The following AZIN1 variants were observed in gnomAD, a reference collection of about 807,000 sequenced individuals.
AZIN1 encodes the protein antizyme inhibitor 1.
In AZIN1, 12 loss-of-function variants were observed where a neutral mutation model predicts 47.4. The observed-to-expected ratio is 0.25, with a 90% CI of 0.16 to 0.41. AZIN1 has a LOEUF of 0.41. Among genes scored for constraint, AZIN1 ranks in the 10% least tolerant of loss-of-function variants. The pLI, the probability that AZIN1 is intolerant of heterozygous loss-of-function variation, is 1.00. For synonymous variants in AZIN1, 155 were observed against 176.3 expected (o/e 0.88, Z 0.96); for missense variants, 410 against 532.4 (o/e 0.77, Z 2.26).
intron 1 of AZIN1, 56 bp downstream of exon 1, chr8:102,863,748 GCCC>G (rs1300509279): frequency 6.6e-6 from 1 of 152,224 alleles, no homozygotes; most frequent in Non-Finnish European, 1.5e-5. Flanking sequence ...CCCCCCAGCC[GCCC>G]CCCAAGGCCA....
intron 2 of AZIN1, among the ~76,000 whole-genome samples, chr8:102,847,494 T>C (rs890722074): frequency 6.6e-6 from 1 of 151,764 alleles, no homozygotes; most frequent in African/African-American, 2.4e-5. Context: ...CAACAAACAG[T>C]GGGGAGTTCT....
At chr8:102,861,108 A>G (rs1011553533) in intron 1 of AZIN1, among the ~76,000 whole-genome samples, 4 of 152,254 alleles carry the variant, frequency 2.6e-5, no homozygotes, top group African/African-American at 9.6e-5. Flanking sequence ...TAGTTTTAAC[A>G]AATGTACTGT....
rs764036144 is a variant in AZIN1, at chr8:102,833,115, G to A, written c.845C>T (p.Thr282Ile). ...PGSYYVSSAF[T>I]LAVNIIAKKV... ...CTTTGCTATGATATTAACTGCGAGTGTAAATGCAGAAGACACATAGTAGCT... is the reference window on the plus strand; with the variant it reads ...CTTTGCTATGATATTAACTGCGAGTATAAATGCAGAAGACACATAGTAGCT... The change falls in exon 9 of 12, where the codon ACA becomes ATA. Residue 282 changes from threonine to isoleucine, a missense_variant. By Grantham distance (89) the Thr-to-Ile change is moderately conservative. Transcript: ENST00000337198. 6.2e-7 allele frequency: 1 copy of A among 1,613,224 alleles called. No homozygotes were observed. Among genetic ancestry groups the A allele is most frequent in the East Asian group, 2.2e-5 (1 of 44,860 alleles).
In AZIN1 at chr8:102,842,391, C is replaced by G. The variant is rs955315344; in HGVS notation, c.102+1160G>C. ...TTCAATACCAGCCTGGCCAACATGG[C>G]AAAACCCCATCTACTAAAAATACAA... is the stretch of plus-strand genomic sequence containing the variant. On this transcript the variant is annotated intron_variant, in intron 3 of 11. Transcript: ENST00000337198. Among the ~76,000 whole-genome samples, 8 of 151,022 alleles carry G rather than the reference C, an allele frequency of 5.3e-5. No individual in the cohort carries two copies. The South Asian group carries it at 1.7e-3, about 32-fold the overall frequency.
intron 7 of AZIN1, 60 bp downstream of exon 7, chr8:102,834,606 C>G: frequency 7.4e-7 from 1 of 1,346,656 alleles, no homozygotes; most frequent in Non-Finnish European, 1.0e-6. Context: ...AATACTTAGT[C>G]TTTAACTTAA....
chr8:102,850,159 G>C (rs557415630), intron 2 of AZIN1: 1 of 152,330 alleles, frequency 6.6e-6, no homozygotes, highest in Non-Finnish European at 1.5e-5. Context: ...AAGTAGAACA[G>C]GGAGAGCTGA....
Position 102,827,233 on chromosome 8 carries a change from T to C in AZIN1, c.*1334A>G, listed in dbSNP as rs1258873905. On this transcript the variant is annotated 3_prime_UTR_variant, in exon 12 of 12. Coordinates refer to ENST00000337198, the MANE Select transcript of AZIN1 (RefSeq NM_148174.4). ...AATGACCCCTGTTGTTTATTACTAT[T>C]GTGATTCTGAGATCTAGGATTTCTA... 6.6e-6 allele frequency: 1 copy of C among 152,554 alleles called. No homozygotes were observed. Among genetic ancestry groups the C allele is most frequent in the East Asian group, 1.9e-4 (1 of 5,196 alleles). The allele number at this position is 152,554 out of a possible 1,614,324, so 9.5% of individuals were successfully genotyped here. A position where few individuals can be genotyped will look rare whatever the true frequency, so the allele number is the denominator to read the frequency against.
At chr8:102,828,773 C>T in intron 11 of AZIN1, 95 bp from the exon 12 acceptor site, 2 of 731,850 alleles carry the variant, frequency 2.7e-6, no homozygotes, top group South Asian at 3.9e-5. Context: ...TATAACTAGT[C>T]TTCCAAAAAC....
intron 1 of AZIN1, among the ~76,000 whole-genome samples, chr8:102,863,349 T>A (rs1813866878): frequency 6.7e-6 from 1 of 150,168 alleles, no homozygotes; most frequent in African/African-American, 2.5e-5. Flanking sequence ...CCGCCGGGCT[T>A]CGGGAGGCAA....
chr8:102,829,490 T>C lies in AZIN1; in HGVS notation c.1021-4A>G, dbSNP rs372839404. The C allele has an allele frequency of 1.9e-6, 3 of 1,592,834 alleles. No homozygotes were observed. The highest frequency in any genetic ancestry group is 2.6e-6 in the Non-Finnish European group (3 of 1,172,908). Reference sequence around the variant, plus strand: ...GAGGCTCATCTTCCTTGTATTTCTGTAGGAAAAGTTTTACAATTTAATTTT... The same window carrying C: ...GAGGCTCATCTTCCTTGTATTTCTGCAGGAAAAGTTTTACAATTTAATTTT... On this transcript the variant is annotated splice_region_variant and splice_polypyrimidine_tract_variant and intron_variant, in intron 10 of 11. Coordinates refer to ENST00000337198, the MANE Select transcript of AZIN1 (RefSeq NM_148174.4).
intron 9 of AZIN1, among the ~76,000 whole-genome samples, chr8:102,831,837 C>T (rs1811482763): frequency 6.6e-6 from 1 of 151,972 alleles, no homozygotes; most frequent in African/African-American, 2.4e-5. Context: ...TGCCTGTAGT[C>T]CCAGCTATGC....
intron 1 of AZIN1, among the ~76,000 whole-genome samples, chr8:102,863,591 G>A (rs1208593986): frequency 6.7e-6 from 1 of 149,940 alleles, no homozygotes; most frequent in Admixed American, 6.6e-5. Flanking sequence ...TCCAGCAGCC[G>A]CCCGAAGGTC....
At position 102,833,211 on chromosome 8, in the gene AZIN1, T is replaced by C. The variant is rs779286880; in HGVS notation, c.749A>G (p.His250Arg). The change falls in exon 9 of 12, where the codon CAT becomes CGT. Residue 250 changes from histidine to arginine, a missense_variant. By Grantham distance (29) the His-to-Arg change is conservative. Around this residue, in one of 3 missense-constraint regions of AZIN1, gnomAD observed 237 missense variants for 309.4 expected, o/e 0.77. Coordinates refer to ENST00000337198, the MANE Select transcript of AZIN1 (RefSeq NM_148174.4). Reference sequence around the variant, plus strand: ...GATATCCAACAGAGGGCTGATAACATGATTAACCTATGGATTTTAAATGCC... The same window carrying C: ...GATATCCAACAGAGGGCTGATAACACGATTAACCTATGGATTTTAAATGCC... ...GTEFQLEEVN[H>R]VISPLLDIYF... is the part of the protein sequence containing the mutation. The C allele has an allele frequency of 2.5e-6, 4 of 1,611,734 alleles. No individual in the cohort carries two copies. The South Asian group carries it at 4.4e-5, about 18-fold the overall frequency.
chr8:102,833,055 C>G lies in AZIN1; in HGVS notation c.904+1G>C, dbSNP rs758122099. 6.2e-7 allele frequency: 1 copy of G among 1,604,604 alleles called. No individual in the cohort carries two copies. The highest frequency in any genetic ancestry group is 8.5e-7 in the Non-Finnish European group (1 of 1,172,280). The stretch of plus-strand genomic sequence containing the variant: ...ATAAAACTATAAACTTTATAACTTA[C>G]CTCCAGAGGGAAATTTATCATTTTC... On this transcript the variant is annotated splice_donor_variant, in intron 9 of 11. Transcript: ENST00000337198. LOFTEE classifies it high-confidence loss of function.
rs778375848 is a variant in AZIN1 at position 102,833,072 on chromosome 8, A to G, written c.888T>C (p.Asp296=). The change falls in exon 9 of 12, where the codon GAT becomes GAC. Residue 296 remains aspartate (D), a synonymous_variant. Coordinates refer to ENST00000337198, the MANE Select transcript of AZIN1 (RefSeq NM_148174.4). ...ATAACTTACCTCCAGAGGGAAATTT[A>G]TCATTTTCAACAACTTTCTTTGCTA... The part of the protein sequence containing the change: ...NIIAKKVVEN[D]KFPSGVEKTG... 1.2e-6 allele frequency: 2 copies of G among 1,611,264 alleles called. No homozygotes were observed. Among genetic ancestry groups the G allele is most frequent in the Admixed American group, 1.7e-5 (1 of 59,878 alleles).
chr8:102,856,224 T>A (rs1293332216), intron 2 of AZIN1: 1 of 152,052 alleles, frequency 6.6e-6, no homozygotes, highest in Non-Finnish European at 1.5e-5. Flanking sequence ...TAGCAAAGCA[T>A]CAAATACTAG....
At chr8:102,833,008 C>G (rs1450817039) in intron 9 of AZIN1, 48 bp downstream of exon 9, 1 of 1,492,584 alleles carries the variant, frequency 6.7e-7, no homozygotes, top group African/African-American at 1.4e-5. Context: ...TCCAGACTAA[C>G]TGCAATTATC....
Position 102,829,885 on chromosome 8 carries a change from C to T in AZIN1, c.956G>A (p.Gly319Asp). 2 of 1,613,528 alleles carry T rather than the reference C, an allele frequency of 1.2e-6. No homozygotes were observed. The highest frequency in any genetic ancestry group is 1.7e-6 in the Non-Finnish European group (2 of 1,179,784). ...EPAFMYYMND[G>D]VYGSFASKLS... ...TTTACTTGCAAAAGAACCATAAACA[C>T]CATCATTCATATAATACATGAAGGC... is the stretch of plus-strand genomic sequence containing the variant. Residue 319 changes from glycine (G) to aspartate (D), a missense_variant, in exon 10 of 12, where the codon GGT (glycine) becomes GAT (aspartate). Physicochemically the swap from Gly to Asp is moderately conservative, Grantham distance 94. This residue lies in a region of AZIN1 where 168 missense variants were observed against 198.3 expected (regional missense o/e 0.85). Coordinates refer to ENST00000337198, the MANE Select transcript of AZIN1 (RefSeq NM_148174.4).
In AZIN1 at chr8:102,827,622, A is replaced by G. The variant is rs1046191038; in HGVS notation, c.*945T>C. 1.3e-5 allele frequency: 2 copies of G among 152,502 alleles called. No individual in the cohort carries two copies. The highest frequency in any genetic ancestry group is 2.9e-5 in the Non-Finnish European group (2 of 68,018). 9.4% of individuals were successfully genotyped at this position (152,502 alleles called of 1,614,324 possible). On this transcript the variant is annotated 3_prime_UTR_variant, in exon 12 of 12. Coordinates refer to ENST00000337198, the MANE Select transcript of AZIN1 (RefSeq NM_148174.4). The stretch of plus-strand genomic sequence containing the variant: ...TATTTCCCTCCCCCCAAGTTTATTC[A>G]AAGTATTTAACAGAATCTTCCATTT...
Sources: gnomAD v4.1 joint callset for allele counts (sites outside exome capture counted in the v4.1 genomes callset) on GRCh38, gnomAD v4.1.1 for gene constraint, gnomAD v4.1.1 regional missense constraint, MANE v1.5 for transcripts, NCBI Gene and HGNC (gene_info 2026-07-23, HGNC 2026-07-21) for gene names.